Variants in SUGCT observed in about 807,000 individuals in gnomAD.
SUGCT encodes succinyl-CoA:glutarate CoA-transferase.
In SUGCT, 41 loss-of-function variants were observed where a neutral mutation model predicts 55.0. That is an observed-to-expected ratio of 0.74 (90% CI 0.58 to 0.97). The LOEUF is 0.97. SUGCT is among the 50% of genes least tolerant of loss of function. SUGCT has a pLI of 0.00. For synonymous variants in SUGCT, 187 were observed against 200.4 expected (o/e 0.93, Z 0.56); for missense variants, 568 against 547.8 (o/e 1.04, Z -0.37).
At chr7:40,929,916 T>G in the SUGCT span, among the ~76,000 whole-genome samples, 1 of 152,192 alleles carries the variant, frequency 6.6e-6, no homozygotes, top group Non-Finnish European at 1.5e-5. Context: ...CAGAAGCTCT[T>G]TAGTTTAATT....
chr7:40,925,109 C>T, the SUGCT span, among the ~76,000 whole-genome samples: 1 of 152,178 alleles, frequency 6.6e-6, no homozygotes, highest in East Asian at 1.9e-4. Flanking sequence ...CCACAGCTTG[C>T]AGAGCTTAAT....
intron 13 of SUGCT, among the ~76,000 whole-genome samples, chr7:40,759,616 A>G (rs1788433833): frequency 1.3e-5 from 2 of 152,094 alleles, no homozygotes; most frequent in African/African-American, 4.8e-5. Context: ...AGTTGAGCCA[A>G]AAAGGGAAGT....
Position 40,315,820 on chromosome 7 carries a change from A to T in SUGCT, c.721-940A>T, listed in dbSNP as rs116860238. On this transcript the variant is annotated intron_variant, in intron 8 of 13. Transcript: ENST00000335693. ...ATGATTATGTCATGTGGCCTGAACCACTTTTTATTCTTTTCTGGAATCCAT... is the reference window on the plus strand; with the variant it reads ...ATGATTATGTCATGTGGCCTGAACCTCTTTTTATTCTTTTCTGGAATCCAT... Among the ~76,000 whole-genome samples the T allele has an allele frequency of 9.2e-4, 140 of 152,190 alleles. 3 individuals carry two copies. The East Asian group carries it at 0.026, about 28-fold the overall frequency.
At chr7:40,344,920 A>T (rs1196677075) in intron 9 of SUGCT, among the ~76,000 whole-genome samples, 28 of 152,226 alleles carry the variant, frequency 1.8e-4, no homozygotes, top group Non-Finnish European at 4.1e-4. Flanking sequence ...AACCGTATAA[A>T]GTGTTTAGCA....
intron 13 of SUGCT, among the ~76,000 whole-genome samples, chr7:40,776,320 C>A (rs1789450056): frequency 1.3e-5 from 2 of 152,142 alleles, no homozygotes; most frequent in South Asian, 4.1e-4. Flanking sequence ...GAGACTCCAG[C>A]CTTATTTAGA....
intron 9 of SUGCT, among the ~76,000 whole-genome samples, chr7:40,346,062 T>G (rs927307510): frequency 6.6e-6 from 1 of 152,070 alleles, no homozygotes; most frequent in African/African-American, 2.4e-5. Context: ...TTTAGTTTTA[T>G]AAAATGAGAT....
At chr7:40,653,395 A>AT (rs1046419858) in intron 12 of SUGCT, among the ~76,000 whole-genome samples, 1 of 151,902 alleles carries the variant, frequency 6.6e-6, no homozygotes, top group African/African-American at 2.4e-5. Context: ...TGAGCTTATT[A>AT]TTTTTTTTCC....
intron 13 of SUGCT, among the ~76,000 whole-genome samples, chr7:40,799,260 C>T (rs773121572): frequency 1.5e-4 from 23 of 151,458 alleles, no homozygotes; most frequent in Non-Finnish European, 3.2e-4. Context: ...CAAACCAGAC[C>T]TTTCTTTCCT....
chr7:40,188,631 G>C, intron 4 of SUGCT, 51 bp downstream of exon 4: 1 of 1,182,336 alleles, frequency 8.5e-7, no homozygotes, highest in East Asian at 2.5e-5. Context: ...TCTTATAATA[G>C]CAAAACTGTT....
At chr7:40,181,843 G>C (rs1785231188) in intron 2 of SUGCT, 112 bp from the exon 3 acceptor site, 2 of 638,286 alleles carry the variant, frequency 3.1e-6, no homozygotes, top group East Asian at 5.8e-5. Context: ...TAACTGTTTT[G>C]ATTCTTACTA....
intron 12 of SUGCT, among the ~76,000 whole-genome samples, chr7:40,507,730 C>T (rs929454808): frequency 3.3e-5 from 5 of 152,110 alleles, no homozygotes; most frequent in East Asian, 1.9e-4. Context: ...GAGGCTACTG[C>T]GTTTTGGGTG....
chr7:40,672,461 T>C (rs1458941074), intron 12 of SUGCT, among the ~76,000 whole-genome samples: 2 of 152,188 alleles, frequency 1.3e-5, no homozygotes, highest in Non-Finnish European at 2.9e-5. Flanking sequence ...ACAATCCCAG[T>C]AGGTTACATA....
intron 6 of SUGCT, among the ~76,000 whole-genome samples, chr7:40,225,435 ATT>A (rs34672683): frequency 0.011 from 1,519 of 138,256 alleles, 20 homozygotes; most frequent in African/African-American, 0.037. Context: ...ATAATATATG[ATT>A]TTTTTTTTTT....
At position 40,246,251 on chromosome 7, in the gene SUGCT, C is replaced by T. The variant is rs532270464; in HGVS notation, c.576+8525C>T. ...TTTAAGTAGAACCATATAGCATGTT[C>T]TTTTTTTTTTTTCTTTGAGATGGAG... On this transcript the variant is annotated intron_variant, in intron 7 of 13. Transcript: ENST00000335693. 6.0e-3 allele frequency among the ~76,000 whole-genome samples: 887 copies of T among 147,286 alleles called. 9 individuals are homozygous for T. Among genetic ancestry groups the T allele is most frequent in the African/African-American group, 0.021 (852 of 40,088 alleles).
At chr7:40,246,870 AT>A (rs1371323489) in intron 7 of SUGCT, among the ~76,000 whole-genome samples, 1 of 152,110 alleles carries the variant, frequency 6.6e-6, no homozygotes, top group East Asian at 1.9e-4. Flanking sequence ...AAGTGCTGAG[AT>A]TACAGACGTG....
intron 1 of SUGCT, among the ~76,000 whole-genome samples, chr7:40,168,148 G>A (rs1295556168): frequency 6.6e-6 from 1 of 152,204 alleles, no homozygotes; most frequent in Non-Finnish European, 1.5e-5. Flanking sequence ...GTGTTTAAAG[G>A]TGGGTGTGGT....
the SUGCT span, among the ~76,000 whole-genome samples, chr7:40,882,639 T>TA: frequency 6.6e-6 from 1 of 152,180 alleles, no homozygotes; most frequent in African/African-American, 2.4e-5. Flanking sequence ...GAATTCAGGT[T>TA]AAAGGTAAAA....
At chr7:40,963,751 G>A in the SUGCT span, among the ~76,000 whole-genome samples, 1 of 29,462 alleles carries the variant, frequency 3.4e-5, no homozygotes, top group African/African-American at 4.4e-4. Context: ...CGTTGTTTCT[G>A]GCAGATGTGC....
intron 13 of SUGCT, among the ~76,000 whole-genome samples, chr7:40,831,172 C>T (rs10247275): frequency 0.19 from 29,004 of 152,118 alleles, 2,962 homozygotes; most frequent in East Asian, 0.41. Context: ...CTAAAAGTTG[C>T]ATTTTAGATT....
Sources: gnomAD v4.1 joint callset for allele counts (sites outside exome capture counted in the v4.1 genomes callset) on GRCh38, gnomAD v4.1.1 for gene constraint, MANE v1.5 for transcripts, NCBI Gene and HGNC (gene_info 2026-07-23, HGNC 2026-07-21) for gene names.